The following MACROD2 variants were observed in gnomAD, a reference collection of about 807,000 sequenced individuals.
MACROD2 encodes the protein mono-ADP ribosylhydrolase 2.
In MACROD2, 36 loss-of-function variants were observed where a neutral mutation model predicts 70.4. The ratio of observed to expected loss-of-function variants is 0.51; its 90% CI spans 0.39 to 0.68. The LOEUF is 0.68. MACROD2 is among the 30% of genes least tolerant of loss of function. MACROD2 has a pLI of 0.00. For synonymous variants in MACROD2, 172 were observed against 178.8 expected (o/e 0.96, Z 0.30); for missense variants, 496 against 538.4 (o/e 0.92, Z 0.78).
At chr20:14,361,293 C>A (rs2083219613) in intron 3 of MACROD2, among the ~76,000 whole-genome samples, 1 of 152,122 alleles carries the variant, frequency 6.6e-6, no homozygotes, top group South Asian at 2.1e-4. Context: ...AAATCATACC[C>A]TCACTACCAC....
At chr20:14,045,245 G>C (rs937038179) in intron 2 of MACROD2, among the ~76,000 whole-genome samples, 6 of 152,268 alleles carry the variant, frequency 3.9e-5, no homozygotes, top group African/African-American at 9.6e-5. Flanking sequence ...TGCAGCGGTG[G>C]GCTGAAGGGC....
intron 3 of MACROD2, among the ~76,000 whole-genome samples, chr20:14,285,057 C>A (rs2082333116): frequency 6.6e-6 from 1 of 151,542 alleles, no homozygotes; most frequent in Non-Finnish European, 1.5e-5. Flanking sequence ...CAACAAAGCC[C>A]AGATTCTCTC....
chr20:15,142,956 C>G (rs951338839), intron 5 of MACROD2, among the ~76,000 whole-genome samples: 5 of 152,050 alleles, frequency 3.3e-5, no homozygotes, highest in Admixed American at 1.3e-4. Flanking sequence ...ATTGTGAATA[C>G]TGCTGCAATA....
intron 5 of MACROD2, among the ~76,000 whole-genome samples, chr20:14,969,238 G>A (rs1262871284): frequency 6.6e-6 from 1 of 151,794 alleles, no homozygotes; most frequent in African/African-American, 2.4e-5. Context: ...GGTAATGGTA[G>A]TATCCAGGTA....
At chr20:14,814,513 T>C (rs1404133628) in intron 5 of MACROD2, among the ~76,000 whole-genome samples, 3 of 152,124 alleles carry the variant, frequency 2.0e-5, no homozygotes, top group Non-Finnish European at 4.4e-5. Context: ...GATCGTTTTT[T>C]GGAAGACACT....
At chr20:14,269,804 GT>G (rs5840604) in intron 3 of MACROD2, among the ~76,000 whole-genome samples, 27 of 148,552 alleles carry the variant, frequency 1.8e-4, no homozygotes, top group East Asian at 7.9e-4. Flanking sequence ...AAACTTGTGG[GT>G]TTTTTTTTTA....
chr20:15,862,083 C>G (rs1195046037), intron 8 of MACROD2, among the ~76,000 whole-genome samples: 1 of 152,074 alleles, frequency 6.6e-6, no homozygotes, highest in African/African-American at 2.4e-5. Flanking sequence ...CAGAAGTTCC[C>G]TCAAAACAAA....
chr20:14,436,725 A>G (rs1330555398), intron 3 of MACROD2, among the ~76,000 whole-genome samples: 3 of 152,224 alleles, frequency 2.0e-5, no homozygotes, highest in Non-Finnish European at 4.4e-5. Context: ...TGAGTGACCT[A>G]GCTGTATCAA....
intron 5 of MACROD2, among the ~76,000 whole-genome samples, chr20:14,954,467 T>TTA (rs2074501614): frequency 7.0e-6 from 1 of 143,584 alleles, no homozygotes; most frequent in Admixed American, 7.3e-5. Context: ...GGAATTGAAA[T>TTA]TATATATATA....
At chr20:14,329,436 T>C (rs2082794242) in intron 3 of MACROD2, 1 of 152,102 alleles carries the variant, frequency 6.6e-6, no homozygotes, top group Non-Finnish European at 1.5e-5. Flanking sequence ...TCTTTCATCA[T>C]AGTGGTTAGT....
In MACROD2 at chr20:15,939,332, A is replaced by C. The variant is rs749788451; in HGVS notation, c.907+1788A>C. On this transcript the variant is annotated intron_variant, in intron 12 of 17. Coordinates refer to ENST00000684519, the MANE Select transcript of MACROD2 (RefSeq NM_001351661.2). ...TGGCTCTCTTGTTAGGGGCTAATGCAGCTGGCAACTTTAAGTTGAAGACAA... is the reference window on the plus strand; with the variant it reads ...TGGCTCTCTTGTTAGGGGCTAATGCCGCTGGCAACTTTAAGTTGAAGACAA... Among the ~76,000 whole-genome samples the C allele has an allele frequency of 1.4e-4, 22 of 152,210 alleles. 1 individual carries two copies. Among genetic ancestry groups the C allele is most frequent in the Non-Finnish European group, 3.1e-4 (21 of 68,030 alleles).
intron 8 of MACROD2, among the ~76,000 whole-genome samples, chr20:15,805,449 A>G (rs73246167): frequency 0.033 from 5,060 of 151,494 alleles, 161 homozygotes; most frequent in East Asian, 0.11. Flanking sequence ...ATTAGTGGAG[A>G]GGAGGTTAAA....
At chr20:14,475,546 C>G (rs1323982685) in intron 3 of MACROD2, among the ~76,000 whole-genome samples, 3 of 151,676 alleles carry the variant, frequency 2.0e-5, no homozygotes, top group Non-Finnish European at 4.4e-5. Flanking sequence ...CCTTTTCTTT[C>G]AGTTTGAGGG....
intron 4 of MACROD2, among the ~76,000 whole-genome samples, chr20:14,551,111 C>T (rs575531956): frequency 1.8e-4 from 27 of 151,888 alleles, no homozygotes; most frequent in Non-Finnish European, 3.5e-4. Flanking sequence ...ATAAGGTCTC[C>T]GTACAAGCAG....
chr20:14,040,464 A>G (rs541568262), intron 2 of MACROD2, among the ~76,000 whole-genome samples: 1 of 152,304 alleles, frequency 6.6e-6, no homozygotes, highest in African/African-American at 2.4e-5. Flanking sequence ...GGTTACATGA[A>G]TAAGTTCTTT....
chr20:15,516,333 T>A (rs1180148000), intron 8 of MACROD2, among the ~76,000 whole-genome samples: 1 of 152,212 alleles, frequency 6.6e-6, no homozygotes, highest in Non-Finnish European at 1.5e-5. Context: ...TCATGTGTAA[T>A]TCTTTCAAAA....
chr20:14,939,969 G>A (rs566433808), intron 5 of MACROD2, among the ~76,000 whole-genome samples: 9 of 151,554 alleles, frequency 5.9e-5, no homozygotes, highest in Non-Finnish European at 1.0e-4. Context: ...ACAACTTTAC[G>A]GAATTTGTTT....
chr20:14,287,586 A>T (rs936177629), intron 3 of MACROD2, among the ~76,000 whole-genome samples: 1 of 152,192 alleles, frequency 6.6e-6, no homozygotes, highest in Non-Finnish European at 1.5e-5. Context: ...TAGGGGCTTA[A>T]TACAACCCAC....
chr20:15,453,392 T>G (rs2046670943), intron 7 of MACROD2, among the ~76,000 whole-genome samples: 1 of 152,128 alleles, frequency 6.6e-6, no homozygotes, highest in African/African-American at 2.4e-5. Flanking sequence ...TGCAATTAAT[T>G]TAATCATTCC....
Sources: allele counts gnomAD v4.1 joint callset (sites outside exome capture counted in the v4.1 genomes callset), GRCh38; gene constraint gnomAD v4.1.1; transcripts MANE v1.5; gene names NCBI Gene and HGNC (gene_info 2026-07-23, HGNC 2026-07-21).